Variants in UPF2 observed in about 807,000 individuals in gnomAD.
The protein encoded by UPF2 is regulator of nonsense transcripts 2.
Under a neutral mutation model 141.4 loss-of-function variants are expected in UPF2, and 17 were observed. The observed-to-expected ratio is 0.12, with a 90% CI of 0.08 to 0.18. UPF2 has a LOEUF of 0.18. UPF2 is among the 10% of genes least tolerant of loss of function. UPF2 has a pLI of 1.00. For missense variants in UPF2, 1,152 were observed against 1,515.9 expected (o/e 0.76, Z 3.99); for synonymous variants, 540 against 498.0 (o/e 1.08, Z -1.12).
rs1832889729 is a variant in UPF2 at position 11,938,853 on chromosome 10, G to GTTTTGTTTTTTTTTTTT, written c.3379-2142_3379-2141insAAAAAAAAAAAACAAAA. 1.1e-4 allele frequency among the ~76,000 whole-genome samples: 9 copies of GTTTTGTTTTTTTTTTTT among 79,834 alleles called. 1 individual carries two copies. In the East Asian group the frequency reaches 2.5e-3, roughly 22 times the overall value. 52.4% of individuals were successfully genotyped at this position (79,834 alleles called of 152,430 possible). A position where few individuals can be genotyped will look rare whatever the true frequency, so the allele number is the denominator to read the frequency against. ...GTGGTCTTAAGCAAGTTTTTTTTTT[G>GTTTTGTTTTTTTTTTTT]TTTTTTTTTTTTTTTTTTTTTTTTT... On this transcript the variant is annotated intron_variant, in intron 18 of 21. Transcript: ENST00000357604.
In UPF2 at chr10:12,029,669, G is replaced by T. The variant is rs1012783336; in HGVS notation, c.366-145C>A. On this transcript the variant is annotated intron_variant, in intron 2 of 21. Transcript: ENST00000357604. Reference sequence around the variant, plus strand: ...CAAAAGGCCTTTCACTACTTTTAAAGACATTTTACTGGCCAGGCATGGTGG... The same window carrying T: ...CAAAAGGCCTTTCACTACTTTTAAATACATTTTACTGGCCAGGCATGGTGG... 3.1e-6 allele frequency: 3 copies of T among 960,394 alleles called. No homozygotes were observed. The African/African-American group carries it at 5.0e-5, about 16-fold the overall frequency. 59.5% of individuals were successfully genotyped at this position (960,394 alleles called of 1,614,324 possible). A position where few individuals can be genotyped will look rare whatever the true frequency, so the allele number is the denominator to read the frequency against.
chr10:11,964,180 G>C, intron 10 of UPF2, 55 bp from the exon 11 acceptor site: 2 of 1,330,676 alleles, frequency 1.5e-6, no homozygotes, highest in Non-Finnish European at 2.1e-6. Context: ...TCCTAGTAGA[G>C]AAGAAATTAT....
intron 9 of UPF2, among the ~76,000 whole-genome samples, chr10:11,968,689 T>C (rs1833363466): frequency 6.6e-6 from 1 of 152,208 alleles, no homozygotes; most frequent in Non-Finnish European, 1.5e-5. Context: ...TCAAGAATTA[T>C]CAGATGCAAC....
chr10:12,029,070 T>C lies in UPF2; in HGVS notation c.820A>G (p.Ile274Val), dbSNP rs534248434. 11 of 1,614,204 alleles carry C rather than the reference T, an allele frequency of 6.8e-6. No individual in the cohort carries two copies. Among genetic ancestry groups the C allele is most frequent in the South Asian group, 1.1e-5 (1 of 91,086 alleles). Reference protein sequence around the residue: ...TDLRFIAELTIVGIFTDKEGL... With the variant: ...TDLRFIAELTVVGIFTDKEGL... ...TCCTTGTCAGTGAAAATCCCAACTA[T>C]TGTCAATTCTGCAATAAAACGCAAA... Residue 274 changes from isoleucine (I) to valine (V), a missense_variant, in exon 3 of 22, where the codon ATA (isoleucine) becomes GTA (valine). This residue lies in a region of UPF2 where 739 missense variants were observed against 1,032.2 expected (regional missense o/e 0.72). Coordinates refer to ENST00000357604, the MANE Select transcript of UPF2 (RefSeq NM_015542.4).
At chr10:11,958,668 C>T (rs1833192790) in intron 12 of UPF2, among the ~76,000 whole-genome samples, 1 of 152,152 alleles carries the variant, frequency 6.6e-6, no homozygotes, top group Non-Finnish European at 1.5e-5. Flanking sequence ...ATGGTAACTA[C>T]AATTATTAAG....
In UPF2 at chr10:11,990,792, T is replaced by A. The variant is rs1025365940; in HGVS notation, c.1844+6880A>T. On this transcript the variant is annotated intron_variant, in intron 8 of 21. Coordinates refer to ENST00000357604, the MANE Select transcript of UPF2 (RefSeq NM_015542.4). ...TCACTAGGTCAGGAGATCGAGACCA[T>A]CCTGGCTAACATGGTGAAACCCTGT... Among the ~76,000 whole-genome samples the A allele has an allele frequency of 6.6e-5, 10 of 151,210 alleles. No individual in the cohort carries two copies. In the East Asian group the frequency reaches 2.0e-3, roughly 30 times the overall value.
intron 14 of UPF2, 127 bp downstream of exon 14, chr10:11,955,105 G>T (rs1833128093): frequency 5.5e-6 from 5 of 911,182 alleles, no homozygotes; most frequent in Admixed American, 8.0e-5. Flanking sequence ...CTTATATGAA[G>T]AATATAATCT....
intron 3 of UPF2, among the ~76,000 whole-genome samples, chr10:12,024,170 A>C (rs1161896860): frequency 6.6e-6 from 1 of 152,072 alleles, no homozygotes; most frequent in Admixed American, 6.6e-5. Flanking sequence ...CAAAACACCT[A>C]CTAGATGAGA....
At chr10:12,004,464 TACAAATAC>T in intron 5 of UPF2, 58 bp downstream of exon 5, 1 of 1,296,120 alleles carries the variant, frequency 7.7e-7, no homozygotes, top group Non-Finnish European at 1.0e-6. Context: ...ATTTTTTTTT[TACAAATAC>T]TATTTTGAAG....
rs149093470 is a variant in UPF2, at chr10:11,940,576, TG to T, written c.3378+2088del. ...GTTTCCTGTCCCAGAGATTAGCCAG[TG>T]GCCCAATCTGGAAAACCAACTATCA... On this transcript the variant is annotated intron_variant, in intron 18 of 21. Coordinates refer to ENST00000357604, the MANE Select transcript of UPF2 (RefSeq NM_015542.4). The surrounding 1 kb of genome is among the most constrained non-coding windows in gnomAD (Gnocchi z 4.2). Among the ~76,000 whole-genome samples the T allele has an allele frequency of 0.03, 4,640 of 152,286 alleles. 246 individuals carry two copies. Among genetic ancestry groups the T allele is most frequent in the African/African-American group, 0.11 (4,366 of 41,534 alleles).
At chr10:12,037,289 C>G (rs1834647009) in intron 1 of UPF2, among the ~76,000 whole-genome samples, 1 of 152,086 alleles carries the variant, frequency 6.6e-6, no homozygotes, top group Non-Finnish European at 1.5e-5. Context: ...CCCATGTTGA[C>G]TAGGCTGGTC....
intron 8 of UPF2, among the ~76,000 whole-genome samples, chr10:11,981,703 C>G (rs1311930805): frequency 6.6e-6 from 1 of 151,378 alleles, no homozygotes. Flanking sequence ...TTTTCTGAGA[C>G]GGAGTCTCGC....
chr10:11,954,651 T>C (rs896631936), intron 14 of UPF2, among the ~76,000 whole-genome samples: 1 of 143,806 alleles, frequency 7.0e-6, no homozygotes, highest in Admixed American at 7.0e-5. Flanking sequence ...AAAATATATA[T>C]ATATATATAT....
intron 21 of UPF2, among the ~76,000 whole-genome samples, chr10:11,924,827 C>T (rs1425772655): frequency 6.6e-6 from 1 of 152,020 alleles, no homozygotes; most frequent in Non-Finnish European, 1.5e-5. Flanking sequence ...ATATTAATAA[C>T]TGATTTTTTT....
chr10:12,029,230 G>C lies in UPF2; in HGVS notation c.660C>G (p.Asn220Lys). 2 of 1,614,190 alleles carry C rather than the reference G, an allele frequency of 1.2e-6. No individual in the cohort carries two copies. The highest frequency in any genetic ancestry group is 1.7e-6 in the Non-Finnish European group (2 of 1,180,038). The change falls in exon 3 of 22, where the codon AAC (asparagine) becomes AAG (lysine). Residue 220 changes from asparagine to lysine, a missense_variant. Around this residue, in one of 4 missense-constraint regions of UPF2, gnomAD observed 739 missense variants for 1,032.2 expected, o/e 0.72. Coordinates refer to ENST00000357604, the MANE Select transcript of UPF2 (RefSeq NM_015542.4). ...AGAGAGAGCAGAGGTGCACAGCACA[G>C]TTCACATCAGAGATTTTTAGTTTTG... ...VEAKLKISDV[N>K]CAVHLCSLFH... is the part of the protein sequence containing the mutation.
At chr10:12,011,541 C>T (rs2131281523) in intron 4 of UPF2, among the ~76,000 whole-genome samples, 1 of 152,220 alleles carries the variant, frequency 6.6e-6, no homozygotes, top group East Asian at 1.9e-4. Context: ...GCAGAGGTTG[C>T]AGTGAGCCGG....
intron 21 of UPF2, among the ~76,000 whole-genome samples, chr10:11,927,143 C>G (rs903501215): frequency 6.6e-6 from 1 of 152,222 alleles, no homozygotes; most frequent in Non-Finnish European, 1.5e-5. Flanking sequence ...CCATCTTCCA[C>G]AGTGCAGTCC....
chr10:11,986,741 C>T (rs930571089), intron 8 of UPF2, among the ~76,000 whole-genome samples: 2 of 152,182 alleles, frequency 1.3e-5, no homozygotes, highest in Non-Finnish European at 2.9e-5. Context: ...CAACCAAATG[C>T]CCTGTTGACT....
chr10:11,982,761 C>T (rs1022787127), intron 8 of UPF2, among the ~76,000 whole-genome samples: 3 of 152,242 alleles, frequency 2.0e-5, no homozygotes, highest in Admixed American at 1.3e-4. Context: ...CCTGGGATTA[C>T]AGGCATGCAC....
Sources: gnomAD v4.1 joint callset for allele counts (sites outside exome capture counted in the v4.1 genomes callset) on GRCh38, gnomAD v4.1.1 for gene constraint, gnomAD v4.1.1 regional missense constraint, Gnocchi (gnomAD v3.1) non-coding constraint, MANE v1.5 for transcripts, NCBI Gene and HGNC (gene_info 2026-07-23, HGNC 2026-07-21) for gene names.